Variants in DCHS2 observed in about 807,000 individuals in gnomAD.
DCHS2 encodes the protein dachsous cadherin-related 2.
DCHS2 carries 142 observed loss-of-function variants against 182.4 expected under a neutral mutation model. That is an observed-to-expected ratio of 0.78 (90% CI 0.68 to 0.89). DCHS2 has a LOEUF of 0.89. DCHS2 is among the 40% of genes least tolerant of loss of function. DCHS2 has a pLI of 0.00. For synonymous variants in DCHS2, 1,740 were observed against 1,663.3 expected (o/e 1.05, Z -1.12); for missense variants, 4,319 against 4,198.6 (o/e 1.03, Z -0.79).
chr4:154,311,767 C>A (rs1032819809), intron 10 of DCHS2, among the ~76,000 whole-genome samples: 1 of 151,906 alleles, frequency 6.6e-6, no homozygotes, highest in East Asian at 1.9e-4. Context: ...ACTCTAAGAA[C>A]CTGGAATAAA....
At chr4:154,252,421 T>A (rs79184180) in intron 16 of DCHS2, among the ~76,000 whole-genome samples, 6,409 of 152,178 alleles carry the variant, frequency 0.042, 435 homozygotes, top group African/African-American at 0.15. Context: ...AAATACTGGG[T>A]CTTATTCATT....
chr4:154,400,302 C>CAAA (rs56268638), intron 1 of DCHS2, among the ~76,000 whole-genome samples: 22 of 91,454 alleles, frequency 2.4e-4, no homozygotes, highest in Middle Eastern at 0.014. Flanking sequence ...GACTTCGTCT[C>CAAA]AAAAAAAAAA....
chr4:154,448,903 TC>T (rs1259724960), intron 1 of DCHS2, among the ~76,000 whole-genome samples: 2 of 152,210 alleles, frequency 1.3e-5, no homozygotes, highest in East Asian at 3.8e-4. Context: ...CATATGCCAT[TC>T]TTTGTAGCAC....
intron 3 of DCHS2, among the ~76,000 whole-genome samples, chr4:154,361,112 T>C (rs1208851283): frequency 6.6e-6 from 1 of 152,190 alleles, no homozygotes; most frequent in Non-Finnish European, 1.5e-5. Flanking sequence ...ATTTATATCA[T>C]TAACATGCTT....
intron 10 of DCHS2, among the ~76,000 whole-genome samples, chr4:154,313,221 C>T (rs1393281925): frequency 6.6e-6 from 1 of 152,150 alleles, no homozygotes; most frequent in Non-Finnish European, 1.5e-5. Flanking sequence ...GCAGGGGGAG[C>T]TCTTTTTTCA....
At chr4:154,449,925 C>T (rs2110974027) in intron 1 of DCHS2, among the ~76,000 whole-genome samples, 1 of 152,300 alleles carries the variant, frequency 6.6e-6, no homozygotes, top group East Asian at 1.9e-4. Context: ...GCATCACATC[C>T]TTTCCTCCTT....
At chr4:154,318,683 CAA>C (rs1321819715) in intron 9 of DCHS2, among the ~76,000 whole-genome samples, 1 of 151,876 alleles carries the variant, frequency 6.6e-6, no homozygotes, top group Non-Finnish European at 1.5e-5. Context: ...AGCCACAAAA[CAA>C]TGATGAAAGA....
chr4:154,374,595 A>T (rs190452895), intron 2 of DCHS2, among the ~76,000 whole-genome samples: 47 of 152,256 alleles, frequency 3.1e-4, no homozygotes, highest in African/African-American at 1.1e-3. Context: ...ATCTAACCAA[A>T]CAGATCATGA....
chr4:154,345,977 T>A (rs1005673575), intron 3 of DCHS2, among the ~76,000 whole-genome samples: 1 of 152,224 alleles, frequency 6.6e-6, no homozygotes, highest in African/African-American at 2.4e-5. Context: ...AGAATCAGTG[T>A]CTGGACAGGG....
intron 3 of DCHS2, among the ~76,000 whole-genome samples, chr4:154,351,644 G>C (rs1015282239): frequency 6.6e-6 from 1 of 152,130 alleles, no homozygotes; most frequent in Non-Finnish European, 1.5e-5. Context: ...CACAGGACAG[G>C]GCTGGCGGGG....
chr4:154,233,376 C>T lies in DCHS2; in HGVS notation c.*1160G>A, dbSNP rs1049869896. 2 of 152,178 alleles carry T rather than the reference C, an allele frequency of 1.3e-5. No homozygotes were observed. Among genetic ancestry groups the T allele is most frequent in the Admixed American group, 1.3e-4 (2 of 15,260 alleles). The allele number at this position is 152,178 out of a possible 1,614,324, so 9.4% of individuals were successfully genotyped here. On this transcript the variant is annotated 3_prime_UTR_variant, in exon 20 of 20. Coordinates refer to ENST00000357232, the MANE Select transcript of DCHS2 (RefSeq NM_001358235.2). ...TAGTAATTGTACAGAGTCATTTTAA[C>T]CATGTGCCAAACTGCTCCATCTAAT...
chr4:154,331,473 T>G, intron 5 of DCHS2: 1 of 1,262,304 alleles, frequency 7.9e-7, no homozygotes, highest in Non-Finnish European at 1.1e-6. Flanking sequence ...TTTGTGCCCT[T>G]GCAGCAGGAG....
At chr4:154,257,738 T>G (rs1472859484) in intron 15 of DCHS2, among the ~76,000 whole-genome samples, 1 of 152,154 alleles carries the variant, frequency 6.6e-6, no homozygotes, top group African/African-American at 2.4e-5. Context: ...TCATTTCTAA[T>G]TTTCTGAACA....
In DCHS2 at chr4:154,240,566, G is replaced by C. The variant is rs775611423; in HGVS notation, c.7330C>G (p.Pro2444Ala). 6.2e-6 allele frequency: 10 copies of C among 1,613,578 alleles called. No individual in the cohort carries two copies. Among genetic ancestry groups the C allele is most frequent in the Non-Finnish European group, 8.5e-6 (10 of 1,179,834 alleles). ...TAGAAATCTTGAGAAAACACTGGTG[G>C]ATTATCATTGACATCCAGCACACGG... ...VVRVLDVNDN[P>A]PVFSQDFYQV... Residue 2444 changes from proline (P) to alanine (A), a missense_variant, in exon 18 of 20, where the codon CCA becomes GCA. Physicochemically the swap from Pro to Ala is conservative, Grantham distance 27. Coordinates refer to ENST00000357232, the MANE Select transcript of DCHS2 (RefSeq NM_001358235.2).
intron 12 of DCHS2, among the ~76,000 whole-genome samples, chr4:154,300,403 T>C (rs900610630): frequency 6.7e-6 from 1 of 149,134 alleles, no homozygotes; most frequent in Admixed American, 6.8e-5. Flanking sequence ...GTTTAGAAAA[T>C]AGGATGGTTC....
chr4:154,242,267 C>A (rs952918647), intron 17 of DCHS2, among the ~76,000 whole-genome samples: 1 of 152,112 alleles, frequency 6.6e-6, no homozygotes, highest in Non-Finnish European at 1.5e-5. Flanking sequence ...AGTTGTTGTT[C>A]GTATCCTGAA....
At position 154,328,163 on chromosome 4, in the gene DCHS2, C is replaced by A; in HGVS notation, c.3948G>T (p.Leu1316Phe). 6.2e-7 allele frequency: 1 copy of A among 1,608,318 alleles called. No individual in the cohort carries two copies. The highest frequency in any genetic ancestry group is 8.5e-7 in the Non-Finnish European group (1 of 1,177,404). Reference protein sequence around the residue: ...KVLEGQPVNMLVTTVFAKDPD... With the variant: ...KVLEGQPVNMFVTTVFAKDPD... ...GATCCTTTGCAAACACAGTTGTAACCAACATATTTACTGGTTGACCTTCCA... is the reference window on the plus strand; with the variant it reads ...GATCCTTTGCAAACACAGTTGTAACAAACATATTTACTGGTTGACCTTCCA... The change falls in exon 7 of 20, where the codon TTG becomes TTT. Residue 1316 changes from leucine (L) to phenylalanine (F), a missense_variant. By Grantham distance (22) the Leu-to-Phe change is conservative. Coordinates refer to ENST00000357232, the MANE Select transcript of DCHS2 (RefSeq NM_001358235.2).
Position 154,236,222 on chromosome 4 carries a change from T to G in DCHS2, c.8430A>C (p.Ser2810=). 6.2e-7 allele frequency: 1 copy of G among 1,613,846 alleles called. No individual in the cohort carries two copies. Among genetic ancestry groups the G allele is most frequent in the South Asian group, 1.1e-5 (1 of 91,074 alleles). The change falls in exon 20 of 20, where the codon TCA becomes TCC. Residue 2810 remains serine (S), a synonymous_variant. Transcript: ENST00000357232. ...ACATTCCATGAGTGAGAAAACAGGGTGATACAATAGAATAGGTCAATTCTC... is the reference window on the plus strand; with the variant it reads ...ACATTCCATGAGTGAGAAAACAGGGGGATACAATAGAATAGGTCAATTCTC... ...PYGELTYSIV[S]PCFLTHGMSY...
At position 154,329,549 on chromosome 4, in the gene DCHS2, G is replaced by A; in HGVS notation, c.3892C>T (p.Leu1298Phe). The change falls in exon 6 of 20, where the codon CTC (leucine) becomes TTC (phenylalanine). Residue 1298 changes from leucine to phenylalanine, a missense_variant. Leu to Phe is a conservative substitution (Grantham distance 22). Coordinates refer to ENST00000357232, the MANE Select transcript of DCHS2 (RefSeq NM_001358235.2). ...NDNRPFFPQCLPGKELHVKVL... is the reference protein window; with the variant it reads ...NDNRPFFPQCFPGKELHVKVL... ...TTCACGTGTAACTCCTTTCCAGGGA[G>A]ACACTGGGGGAAGAAGGGCCTGTTA... 3 of 1,613,606 alleles carry A rather than the reference G, an allele frequency of 1.9e-6. No individual in the cohort carries two copies. The highest frequency in any genetic ancestry group is 2.5e-6 in the Non-Finnish European group (3 of 1,179,856).
Sources: allele counts gnomAD v4.1 joint callset (sites outside exome capture counted in the v4.1 genomes callset), GRCh38; gene constraint gnomAD v4.1.1; transcripts MANE v1.5; gene names NCBI Gene and HGNC (gene_info 2026-07-23, HGNC 2026-07-21).